INSYN2B: variants seen among roughly 807,000 people sequenced by gnomAD.
INSYN2B encodes the protein protein INSYN2B.
In INSYN2B, 16 loss-of-function variants were observed where a neutral mutation model predicts 41.2. The ratio of observed to expected loss-of-function variants is 0.39; its 90% CI spans 0.26 to 0.59. The LOEUF (loss-of-function observed/expected upper bound fraction) is 0.59, where lower values mean the gene tolerates loss of function less well. Ranked by LOEUF, INSYN2B falls within the 20% of genes least tolerant of loss-of-function variation. The pLI is 0.57. For synonymous variants in INSYN2B, 245 were observed against 244.4 expected, an observed-to-expected ratio of 1.00 and a Z score of -0.02; for missense variants, 608 against 646.4, an observed-to-expected ratio of 0.94 and a Z score of 0.64.
chr5:169,901,596 T>C (rs1190449158), intron 1 of INSYN2B, among the ~76,000 whole-genome samples: 1 of 152,126 alleles, frequency 6.6e-6, no homozygotes, highest in African/African-American at 2.4e-5. Context: ...TAACACATGA[T>C]GATGGCAAGG....
chr5:169,886,825 CT>C (rs1335291015), intron 1 of INSYN2B, among the ~76,000 whole-genome samples: 22 of 152,140 alleles, frequency 1.4e-4, no homozygotes, highest in African/African-American at 5.1e-4. Flanking sequence ...GCACTTCATT[CT>C]GGGAACGATA....
intron 1 of INSYN2B, among the ~76,000 whole-genome samples, chr5:169,960,729 T>C (rs1036171767): frequency 1.3e-5 from 2 of 152,232 alleles, no homozygotes; most frequent in Non-Finnish European, 2.9e-5. Context: ...GGTTTGTTAC[T>C]TGCAGTTAAT....
At chr5:169,885,913 G>A (rs914402884) in intron 1 of INSYN2B, among the ~76,000 whole-genome samples, 3 of 152,028 alleles carry the variant, frequency 2.0e-5, no homozygotes, top group African/African-American at 4.8e-5. Context: ...TTAGACTTAC[G>A]GGGAAATTGA....
rs145849759 is a variant in INSYN2B, at chr5:169,965,634, C to T, written c.-919+14643G>A. On this transcript the variant is annotated intron_variant, in intron 1 of 3. Coordinates refer to ENST00000377365, the MANE Select transcript of INSYN2B (RefSeq NM_001129891.3). ...GCTGGTGGCAGGTAATTCTAATGTG[C>T]AGCAGAGTTTAGGAACCATGGCCTC... 1.5e-3 allele frequency among the ~76,000 whole-genome samples: 222 copies of T among 152,250 alleles called. 5 individuals carry two copies. The East Asian group carries it at 0.03, about 21-fold the overall frequency.
chr5:169,926,215 C>T (rs1775445849), intron 1 of INSYN2B, among the ~76,000 whole-genome samples: 2 of 152,170 alleles, frequency 1.3e-5, no homozygotes, highest in African/African-American at 4.8e-5. Flanking sequence ...CAGTGCCTGA[C>T]TTGGGGACCA....
At chr5:169,958,082 G>A (rs989371433) in intron 1 of INSYN2B, among the ~76,000 whole-genome samples, 2 of 152,128 alleles carry the variant, frequency 1.3e-5, no homozygotes, top group African/African-American at 4.8e-5. Context: ...GTGGAACCAA[G>A]CAAACATGAG....
chr5:169,861,374 C>G lies in INSYN2B; in HGVS notation c.*2899G>C, dbSNP rs2291229. Among the ~76,000 whole-genome samples, 15,664 of 152,142 alleles carry G rather than the reference C, an allele frequency of 0.1. 920 individuals are homozygous for G. Among genetic ancestry groups the G allele is most frequent in the African/African-American group, 0.15 (6,229 of 41,484 alleles). ...TAAAACAGTTTAGAAATTTACAAAACCTTACATCAGTACATCGTCTTTAAG... is the reference window on the plus strand; with the variant it reads ...TAAAACAGTTTAGAAATTTACAAAAGCTTACATCAGTACATCGTCTTTAAG... On this transcript the variant is annotated 3_prime_UTR_variant, in exon 4 of 4. Coordinates refer to ENST00000377365, the MANE Select transcript of INSYN2B (RefSeq NM_001129891.3).
intron 1 of INSYN2B, among the ~76,000 whole-genome samples, chr5:169,914,842 A>G (rs1376035563): frequency 6.6e-6 from 1 of 152,208 alleles, no homozygotes; most frequent in African/African-American, 2.4e-5. Flanking sequence ...ACACTTTTGC[A>G]TCCCATGGAG....
intron 3 of INSYN2B, among the ~76,000 whole-genome samples, chr5:169,879,089 C>T (rs1311215741): frequency 6.6e-6 from 1 of 152,190 alleles, no homozygotes; most frequent in African/African-American, 2.4e-5. Flanking sequence ...CCATAGCCTC[C>T]AGCTGCTGGA....
At chr5:169,978,952 A>G (rs1452876043) in intron 1 of INSYN2B, among the ~76,000 whole-genome samples, 1 of 152,170 alleles carries the variant, frequency 6.6e-6, no homozygotes, top group Non-Finnish European at 1.5e-5. Context: ...AGAGTCTCAG[A>G]TACAATTTCT....
chr5:169,914,107 A>G (rs1031113850), intron 1 of INSYN2B, among the ~76,000 whole-genome samples: 2 of 152,212 alleles, frequency 1.3e-5, no homozygotes, highest in African/African-American at 4.8e-5. Flanking sequence ...GTCCCTCAGA[A>G]CGCCTTTTGT....
intron 3 of INSYN2B, among the ~76,000 whole-genome samples, chr5:169,873,629 A>G (rs1462903703): frequency 1.3e-5 from 2 of 152,278 alleles, no homozygotes; most frequent in Non-Finnish European, 2.9e-5. Context: ...TGTCATAAGC[A>G]GATGAAAGGA....
intron 1 of INSYN2B, among the ~76,000 whole-genome samples, chr5:169,886,526 C>T (rs1561796203): frequency 6.6e-6 from 1 of 152,154 alleles, no homozygotes; most frequent in Non-Finnish European, 1.5e-5. Flanking sequence ...GAGCTCAGTA[C>T]CCAATTCCCT....
intron 1 of INSYN2B, among the ~76,000 whole-genome samples, chr5:169,949,228 T>C (rs1044238815): frequency 1.3e-5 from 2 of 152,232 alleles, no homozygotes; most frequent in Non-Finnish European, 2.9e-5. Context: ...ACGACTACTA[T>C]GTGCAGAATG....
intron 1 of INSYN2B, among the ~76,000 whole-genome samples, chr5:169,929,505 G>C (rs913855915): frequency 6.6e-6 from 1 of 152,138 alleles, no homozygotes; most frequent in Admixed American, 6.5e-5. Context: ...GGAAGGCTGA[G>C]GGGGGAGGAT....
chr5:169,928,188 G>C (rs182482157), intron 1 of INSYN2B, among the ~76,000 whole-genome samples: 272 of 152,214 alleles, frequency 1.8e-3, no homozygotes, highest in African/African-American at 6.2e-3. Context: ...CCCACCCAAG[G>C]CCAAACCAAT....
intron 1 of INSYN2B, among the ~76,000 whole-genome samples, chr5:169,896,624 A>G (rs1166413245): frequency 6.6e-6 from 1 of 152,250 alleles, no homozygotes; most frequent in Non-Finnish European, 1.5e-5. Context: ...TTTGGCTCCT[A>G]TTATGATTAC....
rs1387492859 is a variant in INSYN2B, at chr5:169,862,821, T to C, written c.*1452A>G. The stretch of plus-strand genomic sequence containing the variant: ...TTGCTCAATTAGGCTCAATTTGCAG[T>C]GGGGTAGGTACATCCCACGAACACA... On this transcript the variant is annotated 3_prime_UTR_variant, in exon 4 of 4. Coordinates refer to ENST00000377365, the MANE Select transcript of INSYN2B (RefSeq NM_001129891.3). Among the ~76,000 whole-genome samples the C allele has an allele frequency of 6.6e-6, 1 of 152,222 alleles. No individual in the cohort carries two copies. The highest frequency in any genetic ancestry group is 1.5e-5 in the Non-Finnish European group (1 of 68,034).
intron 1 of INSYN2B, among the ~76,000 whole-genome samples, chr5:169,944,722 C>T (rs1336906763): frequency 6.6e-6 from 1 of 152,210 alleles, no homozygotes; most frequent in Non-Finnish European, 1.5e-5. Flanking sequence ...TGTGGTGGCT[C>T]TCACCAGTGC....
Sources: gnomAD v4.1 joint callset for allele counts (sites outside exome capture counted in the v4.1 genomes callset) on GRCh38, gnomAD v4.1.1 for gene constraint, MANE v1.5 for transcripts, NCBI Gene and HGNC (gene_info 2026-07-23, HGNC 2026-07-21) for gene names.